The following CNTNAP2 variants were observed in gnomAD, a reference collection of about 807,000 sequenced individuals.
CNTNAP2 encodes the protein contactin-associated protein-like 2.
A neutral mutation model predicts 155.2 loss-of-function variants in CNTNAP2; 98 were observed. The observed-to-expected ratio is 0.63, with a 90% CI of 0.54 to 0.75. The LOEUF (loss-of-function observed/expected upper bound fraction) is 0.75, where lower values mean the gene tolerates loss of function less well. Among genes scored for constraint, CNTNAP2 ranks in the 30% least tolerant of loss-of-function variants. The probability of loss-of-function intolerance (pLI) is 0.00; values close to 1 mark genes in which losing one functional copy is unlikely to be tolerated. For synonymous variants in CNTNAP2, 651 were observed against 631.2 expected (o/e 1.03, Z -0.47); for missense variants, 1,727 against 1,688.1 (o/e 1.02, Z -0.40).
chr7:147,383,811 G>A (rs1414139468), intron 9 of CNTNAP2, among the ~76,000 whole-genome samples: 2 of 151,886 alleles, frequency 1.3e-5, no homozygotes, highest in Non-Finnish European at 2.9e-5. Flanking sequence ...ATGAATCATT[G>A]ATTCATAAAA....
intron 1 of CNTNAP2, among the ~76,000 whole-genome samples, chr7:146,713,564 T>G (rs192862676): frequency 6.6e-6 from 1 of 152,310 alleles, no homozygotes; most frequent in Admixed American, 6.5e-5. Flanking sequence ...CAATCTATTG[T>G]TTATATTGTT....
chr7:147,796,642 C>T (rs1326777240), intron 13 of CNTNAP2, among the ~76,000 whole-genome samples: 1 of 151,550 alleles, frequency 6.6e-6, no homozygotes, highest in African/African-American at 2.4e-5. Flanking sequence ...TACCCTCATG[C>T]AGATAATCAA....
intron 1 of CNTNAP2, among the ~76,000 whole-genome samples, chr7:146,132,543 C>A (rs1797731404): frequency 6.7e-6 from 1 of 148,402 alleles, no homozygotes; most frequent in African/African-American, 2.5e-5. Context: ...TTAGGTATAT[C>A]TCCCAATGCT....
chr7:147,437,431 G>A (rs922799158), intron 10 of CNTNAP2, among the ~76,000 whole-genome samples: 9 of 151,984 alleles, frequency 5.9e-5, no homozygotes, highest in Non-Finnish European at 1.3e-4. Context: ...ATTCCTTTCA[G>A]CTCTTTTTAG....
chr7:147,335,255 C>G (rs1028678082), intron 9 of CNTNAP2, among the ~76,000 whole-genome samples: 1 of 152,046 alleles, frequency 6.6e-6, no homozygotes, highest in Non-Finnish European at 1.5e-5. Flanking sequence ...AATAGAATAA[C>G]CTAGAAATTT....
intron 3 of CNTNAP2, among the ~76,000 whole-genome samples, chr7:147,009,177 TCTTTA>T (rs1442045436): frequency 1.3e-5 from 2 of 152,154 alleles, no homozygotes; most frequent in African/African-American, 4.8e-5. Context: ...TACCTATCTG[TCTTTA>T]CTTTGTTAAA....
chr7:147,494,138 A>C (rs1028429551), intron 11 of CNTNAP2, among the ~76,000 whole-genome samples: 2 of 152,108 alleles, frequency 1.3e-5, no homozygotes, highest in Non-Finnish European at 2.9e-5. Context: ...CAGCTCCTTT[A>C]CTCTCATATT....
chr7:148,309,435 G>C (rs972334242), intron 21 of CNTNAP2, among the ~76,000 whole-genome samples: 7 of 152,218 alleles, frequency 4.6e-5, no homozygotes, highest in Non-Finnish European at 8.8e-5. Context: ...TCTGTGTGAA[G>C]AGACCACCAA....
intron 9 of CNTNAP2, among the ~76,000 whole-genome samples, chr7:147,326,682 C>T (rs1795466012): frequency 6.6e-6 from 1 of 152,200 alleles, no homozygotes; most frequent in Non-Finnish European, 1.5e-5. Flanking sequence ...CACATCCTTG[C>T]CAACACTTGT....
intron 10 of CNTNAP2, among the ~76,000 whole-genome samples, chr7:147,439,616 T>C (rs1797605480): frequency 6.6e-6 from 1 of 152,078 alleles, no homozygotes; most frequent in Non-Finnish European, 1.5e-5. Context: ...TAGTATATAT[T>C]AAGTCTGATG....
At chr7:147,292,752 A>C (rs1049556828) in intron 8 of CNTNAP2, among the ~76,000 whole-genome samples, 7 of 147,504 alleles carry the variant, frequency 4.7e-5, no homozygotes, top group Non-Finnish European at 9.0e-5. Context: ...CGTATTAAAT[A>C]AATGAAGTGG....
chr7:146,459,508 G>A (rs769689133), intron 1 of CNTNAP2, among the ~76,000 whole-genome samples: 2 of 152,176 alleles, frequency 1.3e-5, no homozygotes, highest in East Asian at 1.9e-4. Flanking sequence ...TTGCTTCAAA[G>A]GAACTACCTT....
At chr7:147,083,896 GTATA>G (rs1227346776) in intron 4 of CNTNAP2, among the ~76,000 whole-genome samples, 3 of 135,016 alleles carry the variant, frequency 2.2e-5, no homozygotes, top group Non-Finnish European at 4.6e-5. Context: ...ACACATGTAT[GTATA>G]TATTATATGC....
chr7:147,271,839 T>C (rs1214605305), intron 8 of CNTNAP2, among the ~76,000 whole-genome samples: 1 of 152,166 alleles, frequency 6.6e-6, no homozygotes, highest in African/African-American at 2.4e-5. Context: ...GGTGGGGACA[T>C]AGCCAAATGA....
intron 1 of CNTNAP2, among the ~76,000 whole-genome samples, chr7:146,134,324 G>A (rs1797764198): frequency 7.0e-6 from 1 of 143,254 alleles, no homozygotes; most frequent in Non-Finnish European, 1.5e-5. Context: ...AGACAATGGG[G>A]TTTTCTAGAT....
intron 12 of CNTNAP2, among the ~76,000 whole-genome samples, chr7:147,568,819 A>G (rs934378064): frequency 4.6e-5 from 7 of 152,168 alleles, no homozygotes; most frequent in Non-Finnish European, 7.3e-5. Context: ...TCTTTCTGCT[A>G]GATGATTAAT....
intron 9 of CNTNAP2, among the ~76,000 whole-genome samples, chr7:147,318,643 A>G (rs1167206751): frequency 6.6e-6 from 1 of 151,936 alleles, no homozygotes; most frequent in East Asian, 1.9e-4. Flanking sequence ...GGAGGGGAAC[A>G]TCACACACTG....
chr7:147,961,839 G>A (rs1801125429), intron 14 of CNTNAP2, among the ~76,000 whole-genome samples: 1 of 152,050 alleles, frequency 6.6e-6, no homozygotes, highest in South Asian at 2.1e-4. Flanking sequence ...ATAACTAAAT[G>A]AATATGAACT....
At chr7:146,487,234 T>C (rs1444447642) in intron 1 of CNTNAP2, among the ~76,000 whole-genome samples, 2 of 152,174 alleles carry the variant, frequency 1.3e-5, no homozygotes, top group Non-Finnish European at 2.9e-5. Flanking sequence ...TGCCAAACAA[T>C]GATTGGTACT....
Sources: allele counts gnomAD v4.1 joint callset (sites outside exome capture counted in the v4.1 genomes callset), GRCh38; gene constraint gnomAD v4.1.1; transcripts MANE v1.5; gene names NCBI Gene and HGNC (gene_info 2026-07-23, HGNC 2026-07-21).